The following FER variants were observed in gnomAD, a reference collection of about 807,000 sequenced individuals.
The protein encoded by FER is tyrosine-protein kinase Fer.
In FER, 63 loss-of-function variants were observed where a neutral mutation model predicts 111.0. The ratio of observed to expected loss-of-function variants is 0.57; its 90% confidence interval spans 0.46 to 0.70. FER has a LOEUF of 0.70. Ranked by LOEUF, FER falls within the 30% of genes least tolerant of loss-of-function variation. The pLI, the probability that FER is intolerant of heterozygous loss-of-function variation, is 0.00. For synonymous variants in FER, 327 were observed against 313.9 expected (o/e 1.04, Z -0.44); for missense variants, 914 against 954.0 (o/e 0.96, Z 0.55).
intron 17 of FER, among the ~76,000 whole-genome samples, chr5:109,166,881 G>A (rs1176708535): frequency 6.6e-6 from 1 of 152,144 alleles, no homozygotes; most frequent in Non-Finnish European, 1.5e-5. Context: ...AAAGTTGGAA[G>A]CTGCAAGGTC....
chr5:109,044,536 CG>C, intron 14 of FER, 143 bp from the exon 15 acceptor site: 1 of 489,558 alleles, frequency 2.0e-6, no homozygotes, highest in East Asian at 3.2e-5. Flanking sequence ...GTTAGAAGTT[CG>C]TATGTCTGAT....
intron 18 of FER, among the ~76,000 whole-genome samples, chr5:109,182,166 AATT>A (rs1270089240): frequency 1.3e-5 from 2 of 152,190 alleles, no homozygotes; most frequent in Non-Finnish European, 2.9e-5. Flanking sequence ...GGCAGGTTTC[AATT>A]ATTCTGGGTA....
intron 4 of FER, among the ~76,000 whole-genome samples, chr5:108,835,190 C>G (rs1320064296): frequency 8.6e-6 from 1 of 116,580 alleles, no homozygotes; most frequent in Non-Finnish European, 1.8e-5. Context: ...CGCCACCCCC[C>G]CCCCCCCACT....
intron 11 of FER, among the ~76,000 whole-genome samples, chr5:108,948,353 G>A (rs1209819276): frequency 6.6e-6 from 1 of 152,022 alleles, no homozygotes; most frequent in African/African-American, 2.4e-5. Context: ...GATGTCATCA[G>A]ATGTTTAATA....
chr5:108,944,948 T>G (rs1016038045), intron 10 of FER, among the ~76,000 whole-genome samples: 7 of 151,310 alleles, frequency 4.6e-5, no homozygotes, highest in Admixed American at 1.3e-4. Flanking sequence ...CTTTATCCCC[T>G]AACTGGACCT....
At chr5:109,015,582 C>T (rs995159710) in intron 13 of FER, among the ~76,000 whole-genome samples, 2 of 151,826 alleles carry the variant, frequency 1.3e-5, no homozygotes, top group African/African-American at 4.8e-5. Flanking sequence ...GTAAATAGAT[C>T]AGTATAATCC....
intron 16 of FER, among the ~76,000 whole-genome samples, chr5:109,089,433 T>A (rs866473782): frequency 6.6e-6 from 1 of 152,180 alleles, no homozygotes; most frequent in Admixed American, 6.5e-5. Context: ...GTAAGAAATG[T>A]GAAAATGATG....
At chr5:108,780,715 A>G (rs948035982) in intron 2 of FER, among the ~76,000 whole-genome samples, 1 of 151,858 alleles carries the variant, frequency 6.6e-6, no homozygotes, top group Non-Finnish European at 1.5e-5. Context: ...ATTGTTTCAA[A>G]TATTTTTTCT....
At chr5:108,842,597 A>C (rs115642402) in intron 5 of FER, 5 of 152,144 alleles carry the variant, frequency 3.3e-5, no homozygotes, top group Non-Finnish European at 2.9e-5. Flanking sequence ...TGAATAGACA[A>C]TTCTCAAAAG....
intron 1 of FER, among the ~76,000 whole-genome samples, chr5:108,761,301 ATTCC>A (rs1751721732): frequency 6.6e-6 from 1 of 152,140 alleles, no homozygotes; most frequent in Admixed American, 6.6e-5. Flanking sequence ...ATGTGCAACT[ATTCC>A]TTTTATTTGA....
At chr5:108,759,987 C>T (rs928109197) in intron 1 of FER, among the ~76,000 whole-genome samples, 2 of 152,124 alleles carry the variant, frequency 1.3e-5, no homozygotes, top group African/African-American at 4.8e-5. Context: ...ATAGATATGA[C>T]AAGGATTTTT....
At chr5:108,826,682 C>T (rs1759508371) in intron 3 of FER, among the ~76,000 whole-genome samples, 1 of 152,184 alleles carries the variant, frequency 6.6e-6, no homozygotes, top group African/African-American at 2.4e-5. Context: ...GATGTCAATT[C>T]TTCTATAAAT....
At chr5:109,061,476 G>A (rs1774408838) in intron 16 of FER, among the ~76,000 whole-genome samples, 2 of 152,254 alleles carry the variant, frequency 1.3e-5, no homozygotes, top group African/African-American at 4.8e-5. Flanking sequence ...AGAGCTTGAA[G>A]TGACCTGTCA....
At chr5:108,786,393 C>A (rs775813989) in intron 2 of FER, among the ~76,000 whole-genome samples, 2 of 152,206 alleles carry the variant, frequency 1.3e-5, no homozygotes, top group Non-Finnish European at 2.9e-5. Context: ...GCCAGAATAT[C>A]TTCTGGCCTG....
At chr5:108,957,870 A>G (rs1479137097) in intron 12 of FER, among the ~76,000 whole-genome samples, 1 of 151,644 alleles carries the variant, frequency 6.6e-6, no homozygotes, top group Non-Finnish European at 1.5e-5. Flanking sequence ...AAGCTGAGAC[A>G]CTGAGAGATC....
intron 13 of FER, among the ~76,000 whole-genome samples, chr5:108,961,147 A>G (rs1386907045): frequency 6.6e-6 from 1 of 152,206 alleles, no homozygotes; most frequent in Non-Finnish European, 1.5e-5. Context: ...CAATTCCAGT[A>G]TATATCAGTA....
intron 10 of FER, among the ~76,000 whole-genome samples, chr5:108,903,842 A>G (rs1044681422): frequency 3.3e-5 from 5 of 152,246 alleles, no homozygotes; most frequent in African/African-American, 1.2e-4. Flanking sequence ...TAGGTAGTAC[A>G]TGCACATTTA....
rs984257413 is a variant in FER, at chr5:109,088,149, C to T, written c.1925-12247C>T. Reference sequence around the variant, plus strand: ...ATAGTGAAAAATGTATTACATATTACGGGTCATGGCCACAGATCTAGAGAG... The same window carrying T: ...ATAGTGAAAAATGTATTACATATTATGGGTCATGGCCACAGATCTAGAGAG... On this transcript the variant is annotated intron_variant, in intron 16 of 19. Transcript: ENST00000281092. Among the ~76,000 whole-genome samples, 6 of 151,884 alleles carry T rather than the reference C, an allele frequency of 4.0e-5. No individual in the cohort carries two copies. In the South Asian group the frequency reaches 1.0e-3, roughly 26 times the overall value.
intron 14 of FER, among the ~76,000 whole-genome samples, chr5:109,041,406 G>C (rs191976408): frequency 1.5e-4 from 23 of 152,012 alleles, no homozygotes; most frequent in Admixed American, 1.5e-3. Flanking sequence ...AGAACCGAAA[G>C]ATTGGCAGTT....
Sources: allele counts gnomAD v4.1 joint callset (sites outside exome capture counted in the v4.1 genomes callset), GRCh38; gene constraint gnomAD v4.1.1; transcripts MANE v1.5; gene names NCBI Gene and HGNC (gene_info 2026-07-23, HGNC 2026-07-21).